PACSIN1: variants seen among roughly 807,000 people sequenced by gnomAD.
PACSIN1 encodes protein kinase C and casein kinase substrate in neurons 1.
A neutral mutation model predicts 59.5 loss-of-function variants in PACSIN1; 15 were observed. That is an observed-to-expected ratio of 0.25 (90% CI 0.17 to 0.39). The LOEUF (loss-of-function observed/expected upper bound fraction) is 0.39, where lower values mean the gene tolerates loss of function less well. PACSIN1 is among the 10% of genes least tolerant of loss of function. The pLI, the probability that PACSIN1 is intolerant of heterozygous loss-of-function variation, is 1.00. For synonymous variants in PACSIN1, 210 were observed against 220.6 expected, an observed-to-expected ratio of 0.95 and a Z score of 0.42; for missense variants, 420 against 580.2, an observed-to-expected ratio of 0.72 and a Z score of 2.84.
intron 3 of PACSIN1, chr6:34,527,743 G>A: frequency 3.1e-6 from 1 of 318,636 alleles, no homozygotes; most frequent in Non-Finnish European, 5.7e-6. Context: ...AGTTGCAACA[G>A]TAGCACAGAG....
rs1767544608 is a variant in PACSIN1, at chr6:34,529,160, C to T, written c.457-237C>T. Among the ~76,000 whole-genome samples the T allele has an allele frequency of 6.6e-6, 1 of 152,080 alleles. No individual in the cohort carries two copies. Among genetic ancestry groups the T allele is most frequent in the East Asian group, 1.9e-4 (1 of 5,162 alleles). On this transcript the variant is annotated intron_variant, in intron 4 of 9. Coordinates refer to ENST00000244458, the MANE Select transcript of PACSIN1 (RefSeq NM_020804.5). This position sits in a 1 kb window ranked among gnomAD's most constrained non-coding sequence, Gnocchi z 6.3. ...CCTGGGTCCCCAGATGGGGCGGGCA[C>T]TGCACTGCCTGACAGGAGGGTATCT...
chr6:34,505,143 C>T (rs73405700), intron 1 of PACSIN1, among the ~76,000 whole-genome samples: 2,043 of 152,134 alleles, frequency 0.013, 44 homozygotes, highest in African/African-American at 0.046. Flanking sequence ...TACAAGTGCA[C>T]GCCACCACAC....
At chr6:34,528,978 G>A in intron 4 of PACSIN1, 101 bp downstream of exon 4, 1 of 899,658 alleles carries the variant, frequency 1.1e-6, no homozygotes, top group Non-Finnish European at 1.7e-6. Context: ...GCTGGGCACT[G>A]CCCTCTGGGA....
At chr6:34,468,894 G>GAGT (rs111511519) in intron 1 of PACSIN1, among the ~76,000 whole-genome samples, 3,135 of 152,090 alleles carry the variant, frequency 0.021, 93 homozygotes, top group African/African-American at 0.069. Flanking sequence ...TCTGGCTTGT[G>GAGT]GAGTGAGTGA....
At chr6:34,492,680 C>A (rs1484164751) in intron 1 of PACSIN1, among the ~76,000 whole-genome samples, 4 of 152,250 alleles carry the variant, frequency 2.6e-5, no homozygotes, top group African/African-American at 9.6e-5. Flanking sequence ...CTACGCCCGG[C>A]CTGGAGGCCA....
rs1480086662 is a variant in PACSIN1 at position 34,530,539 on chromosome 6, A to G, written c.989A>G (p.Asn330Ser). 20 of 1,608,586 alleles carry G rather than the reference A, an allele frequency of 1.2e-5. No individual in the cohort carries two copies. In the African/African-American group the frequency reaches 1.7e-4, roughly 14 times the overall value. Residue 330 changes from asparagine to serine, a missense_variant, in exon 8 of 10, where the codon AAT becomes AGT. Coordinates refer to ENST00000244458, the MANE Select transcript of PACSIN1 (RefSeq NM_020804.5). The surrounding 1 kb of genome is among the most constrained non-coding windows in gnomAD (Gnocchi z 4.4). ...AAGGCAGAGGGAGTGGCGCTGACCA[A>G]TGCCACTGGGGCGGTAGAGTCCACA... ...PKKAEGVALT[N>S]ATGAVESTSQ... is the part of the protein sequence containing the mutation.
At chr6:34,492,532 T>A (rs951510781) in intron 1 of PACSIN1, among the ~76,000 whole-genome samples, 2 of 152,042 alleles carry the variant, frequency 1.3e-5, no homozygotes, top group African/African-American at 2.4e-5. Context: ...TACAGGCACG[T>A]GCTACCATGC....
At chr6:34,527,217 G>A in intron 2 of PACSIN1, 115 bp from the exon 3 acceptor site, 2 of 1,093,624 alleles carry the variant, frequency 1.8e-6, no homozygotes, top group Non-Finnish European at 2.4e-6. Context: ...GGGACGGCGA[G>A]GCCGTAAGCG....
rs558195099 is a variant in PACSIN1 at position 34,497,573 on chromosome 6, C to A, written c.-63-28670C>A. 9.9e-5 allele frequency among the ~76,000 whole-genome samples: 15 copies of A among 152,274 alleles called. No individual in the cohort carries two copies. The East Asian group carries it at 2.9e-3, about 30-fold the overall frequency. ...GGAATCCCCTCCAAGGGTGTGCGTGCCCCAGCCCTGCCCCCAGGCAGCCAC... is the reference window on the plus strand; with the variant it reads ...GGAATCCCCTCCAAGGGTGTGCGTGACCCAGCCCTGCCCCCAGGCAGCCAC... On this transcript the variant is annotated intron_variant, in intron 1 of 9. Coordinates refer to ENST00000244458, the MANE Select transcript of PACSIN1 (RefSeq NM_020804.5).
chr6:34,487,565 A>T (rs1766813118), intron 1 of PACSIN1, among the ~76,000 whole-genome samples: 1 of 152,118 alleles, frequency 6.6e-6, no homozygotes, highest in Non-Finnish European at 1.5e-5. Flanking sequence ...AATCAACAGG[A>T]TTGAAGGATG....
At chr6:34,504,222 T>G (rs1767068665) in intron 1 of PACSIN1, among the ~76,000 whole-genome samples, 2 of 151,182 alleles carry the variant, frequency 1.3e-5, no homozygotes, top group South Asian at 4.2e-4. Flanking sequence ...TCTGCATGTT[T>G]TGAGAAGCAC....
Position 34,530,221 on chromosome 6 carries a change from T to C in PACSIN1, c.789-22T>C. On this transcript the variant is annotated intron_variant, in intron 6 of 9. Coordinates refer to ENST00000244458, the MANE Select transcript of PACSIN1 (RefSeq NM_020804.5). The surrounding 1 kb of genome is among the most constrained non-coding windows in gnomAD (Gnocchi z 4.4). ...CCATGTTGAATCTGTGCCCTCCACC[T>C]CCCCCATCTCCCTGAGCACAGCTAC... 1.9e-6 allele frequency: 3 copies of C among 1,595,880 alleles called. No individual in the cohort carries two copies. The highest frequency in any genetic ancestry group is 1.7e-6 in the Non-Finnish European group (2 of 1,167,564).
Position 34,516,959 on chromosome 6 carries a change from C to T in PACSIN1, c.-63-9284C>T, listed in dbSNP as rs989453395. Among the ~76,000 whole-genome samples, 4 of 152,050 alleles carry T rather than the reference C, an allele frequency of 2.6e-5. No homozygotes were observed. Among genetic ancestry groups the T allele is most frequent in the Admixed American group, 6.5e-5 (1 of 15,280 alleles). On this transcript the variant is annotated intron_variant, in intron 1 of 9. Transcript: ENST00000244458. This position sits in a 1 kb window ranked among gnomAD's most constrained non-coding sequence, Gnocchi z 5.4. ...TGGGACACAGGAACAATCTGGCTCC[C>T]GGCTGGCCCCTCCTCACTGCCCTTG...
intron 1 of PACSIN1, among the ~76,000 whole-genome samples, chr6:34,481,174 G>GT (rs35145022): frequency 0.011 from 1,677 of 151,776 alleles, 44 homozygotes; most frequent in East Asian, 0.093. Context: ...AGCCCCCCGA[G>GT]AGCTGGGACT....
intron 1 of PACSIN1, among the ~76,000 whole-genome samples, chr6:34,483,027 A>C: frequency 7.6e-6 from 1 of 132,000 alleles, no homozygotes; most frequent in Non-Finnish European, 1.6e-5. Context: ...TTTTTGAAAC[A>C]AGGTCTCACT....
chr6:34,517,366 C>A (rs919194410), intron 1 of PACSIN1, among the ~76,000 whole-genome samples: 9 of 152,032 alleles, frequency 5.9e-5, no homozygotes, highest in African/African-American at 2.2e-4. Context: ...CCCCCAGCAG[C>A]CACAGATCCT....
chr6:34,496,023 C>T (rs1766941575), intron 1 of PACSIN1, among the ~76,000 whole-genome samples: 1 of 152,180 alleles, frequency 6.6e-6, no homozygotes, highest in Non-Finnish European at 1.5e-5. Context: ...ATCCCTACAA[C>T]AGGGATGAAG....
rs369032909 is a variant in PACSIN1 at position 34,521,330 on chromosome 6, C to T, written c.-63-4913C>T. On this transcript the variant is annotated intron_variant, in intron 1 of 9. Coordinates refer to ENST00000244458, the MANE Select transcript of PACSIN1 (RefSeq NM_020804.5). This position sits in a 1 kb window ranked among gnomAD's most constrained non-coding sequence, Gnocchi z 4.3. ...GATTGGTGACCACTGAGGTAGGAAT[C>T]CACACGGCGCCTTGGTCCACACGAG... Among the ~76,000 whole-genome samples, 37 of 152,256 alleles carry T rather than the reference C, an allele frequency of 2.4e-4. No homozygotes were observed. The highest frequency in any genetic ancestry group is 3.4e-3 in the Middle Eastern group (1 of 294).
At chr6:34,482,493 C>G (rs920831452) in intron 1 of PACSIN1, among the ~76,000 whole-genome samples, 1 of 152,156 alleles carries the variant, frequency 6.6e-6, no homozygotes, top group African/African-American at 2.4e-5. Context: ...CATGAATATA[C>G]TACATTTTGT....
Sources: allele counts gnomAD v4.1 joint callset (sites outside exome capture counted in the v4.1 genomes callset), GRCh38; gene constraint gnomAD v4.1.1; non-coding constraint Gnocchi (gnomAD v3.1); transcripts MANE v1.5; gene names NCBI Gene and HGNC (gene_info 2026-07-23, HGNC 2026-07-21).